The following FRK variants were observed in gnomAD, a reference collection of about 807,000 sequenced individuals.
FRK encodes the protein fyn related Src family tyrosine kinase, also known as tyrosine-protein kinase FRK.
FRK carries 51 observed loss-of-function variants against 56.4 expected under a neutral mutation model. The ratio of observed to expected loss-of-function variants is 0.90; its 90% CI spans 0.72 to 1.14. The LOEUF (loss-of-function observed/expected upper bound fraction) is 1.14, where lower values mean the gene tolerates loss of function less well. FRK is among the 50% of genes most tolerant of loss of function. The pLI, the probability that FRK is intolerant of heterozygous loss-of-function variation, is 0.00. For missense variants in FRK, 570 were observed against 601.4 expected, an observed-to-expected ratio of 0.95 and a Z score of 0.55; for synonymous variants, 245 against 217.9, an observed-to-expected ratio of 1.12 and a Z score of -1.10.
At chr6:116,039,419 C>A in intron 1 of FRK, 1 of 1,574,040 alleles carries the variant, frequency 6.4e-7, no homozygotes, top group Non-Finnish European at 8.7e-7. Flanking sequence ...GCCAGCCAGC[C>A]TGAAGTGGAT....
In FRK at chr6:115,958,630, A is replaced by C. The variant is rs1446675333; in HGVS notation, c.800-2020T>G. On this transcript the variant is annotated intron_variant, in intron 4 of 7. Coordinates refer to ENST00000606080, the MANE Select transcript of FRK (RefSeq NM_002031.3). ...GAAATAGAGTGAGACTCTGTCTCAA[A>C]AAAGGAAAGAAAGAAAAGAAAGAAA... Among the ~76,000 whole-genome samples the C allele has an allele frequency of 4.3e-4, 6 of 13,820 alleles. No homozygotes were observed. In the Admixed American group the frequency reaches 7.4e-3, roughly 17 times the overall value. 9.1% of individuals were successfully genotyped at this position (13,820 alleles called of 152,430 possible). A position where few individuals can be genotyped will look rare whatever the true frequency, so the allele number is the denominator to read the frequency against.
the FRK span, among the ~76,000 whole-genome samples, chr6:116,084,213 T>C: frequency 2.0e-5 from 3 of 152,202 alleles, no homozygotes; most frequent in Admixed American, 1.3e-4. Flanking sequence ...ATGCAGACAA[T>C]AAAAAGAGTC....
intron 5 of FRK, among the ~76,000 whole-genome samples, chr6:115,955,738 G>T (rs1463694220): frequency 1.3e-5 from 2 of 152,060 alleles, no homozygotes; most frequent in East Asian, 3.9e-4. Flanking sequence ...GACATTTCAA[G>T]AAATTATGGA....
rs1772000153 is a variant in FRK, at chr6:115,933,892, C to T, written c.*8522G>A. ...TAGTGTTGATCTTATCTTAGAAATA[C>T]TGTTTATAAAGGAATCAAGGGGTTC... On this transcript the variant is annotated 3_prime_UTR_variant, in exon 8 of 8. Transcript: ENST00000606080. 1 of 152,038 alleles carries T rather than the reference C, an allele frequency of 6.6e-6. No individual in the cohort carries two copies. The highest frequency in any genetic ancestry group is 1.9e-4 in the East Asian group (1 of 5,194). 9.4% of individuals were successfully genotyped at this position (152,038 alleles called of 1,614,324 possible).
intron 5 of FRK, among the ~76,000 whole-genome samples, chr6:115,947,936 T>G (rs1045770365): frequency 6.6e-6 from 1 of 152,174 alleles, no homozygotes; most frequent in African/African-American, 2.4e-5. Flanking sequence ...TGTGGTATCT[T>G]CTAAAATGGC....
chr6:115,944,185 TACTA>T (rs1178636931), intron 6 of FRK, 55 bp downstream of exon 6: 28 of 1,349,960 alleles, frequency 2.1e-5, no homozygotes, highest in South Asian at 1.6e-4. Context: ...TCTATTGGTC[TACTA>T]ACTGTTAGAC....
intron 1 of FRK, among the ~76,000 whole-genome samples, chr6:116,027,308 T>C (rs1776128715): frequency 6.6e-6 from 1 of 152,192 alleles, no homozygotes; most frequent in African/African-American, 2.4e-5. Context: ...TTTTTTAAAC[T>C]GTCAAATAGG....
intron 1 of FRK, 72 bp downstream of exon 1, chr6:116,059,896 G>GA: frequency 7.8e-7 from 1 of 1,284,824 alleles, no homozygotes; most frequent in Non-Finnish European, 1.1e-6. Context: ...GGGTTGTAGA[G>GA]AAGTAGAAAG....
intron 1 of FRK, among the ~76,000 whole-genome samples, chr6:116,039,911 C>T (rs1272565395): frequency 6.7e-6 from 1 of 149,620 alleles, no homozygotes; most frequent in South Asian, 2.1e-4. Flanking sequence ...GTATGTGAAC[C>T]ACCCACGTGT....
the FRK span, among the ~76,000 whole-genome samples, chr6:116,074,745 C>T: frequency 6.6e-6 from 1 of 152,092 alleles, no homozygotes; most frequent in South Asian, 2.1e-4. Context: ...ATCTGTGGCC[C>T]TCAGCCAACC....
chr6:116,014,554 C>G (rs191149142), intron 1 of FRK, among the ~76,000 whole-genome samples: 1 of 146,332 alleles, frequency 6.8e-6, no homozygotes, highest in East Asian at 2.0e-4. Flanking sequence ...CAGCAGTGGT[C>G]AGGGAAAAAA....
chr6:116,035,072 A>T (rs13193683), intron 1 of FRK, among the ~76,000 whole-genome samples: 29,690 of 151,902 alleles, frequency 0.2, 3,796 homozygotes, highest in Middle Eastern at 0.35. Context: ...TAAAAATTTT[A>T]AAATTGTGGT....
At chr6:115,982,813 T>C (rs1451842704) in intron 2 of FRK, among the ~76,000 whole-genome samples, 3 of 152,124 alleles carry the variant, frequency 2.0e-5, no homozygotes, top group Non-Finnish European at 4.4e-5. Context: ...GGTTCATGCC[T>C]GTAATCGCAG....
chr6:115,950,248 A>C (rs533796), intron 5 of FRK, among the ~76,000 whole-genome samples: 101,986 of 152,008 alleles, frequency 0.67, 34,749 homozygotes, highest in East Asian at 0.98. Context: ...AACAGGGAAC[A>C]TTCAGAATGG....
intron 5 of FRK, among the ~76,000 whole-genome samples, chr6:115,945,399 G>T (rs1040784995): frequency 6.6e-6 from 1 of 151,990 alleles, no homozygotes; most frequent in Non-Finnish European, 1.5e-5. Context: ...TTTAATAATG[G>T]CCATTCTGGC....
chr6:115,967,440 A>G (rs1773625252), intron 4 of FRK, 111 bp downstream of exon 4: 2 of 1,035,502 alleles, frequency 1.9e-6, no homozygotes, highest in South Asian at 3.2e-5. Context: ...AATGACCACA[A>G]CACCTGCTTG....
At chr6:116,077,802 A>G in the FRK span, among the ~76,000 whole-genome samples, 6,954 of 152,294 alleles carry the variant, frequency 0.046, 290 homozygotes, top group African/African-American at 0.11. Context: ...ACCCTGCCAG[A>G]TCAACTAATA....
intron 5 of FRK, among the ~76,000 whole-genome samples, chr6:115,952,127 G>C (rs111992855): frequency 5.3e-5 from 8 of 151,546 alleles, no homozygotes; most frequent in Non-Finnish European, 7.4e-5. Context: ...CTCCCATTTT[G>C]TAGGTTGCTT....
chr6:116,080,071 T>C, the FRK span, among the ~76,000 whole-genome samples: 4 of 152,190 alleles, frequency 2.6e-5, no homozygotes, highest in African/African-American at 9.6e-5. Context: ...TAAAAGTATT[T>C]GAGTTAGATT....
Sources: allele counts gnomAD v4.1 joint callset (sites outside exome capture counted in the v4.1 genomes callset), GRCh38; gene constraint gnomAD v4.1.1; transcripts MANE v1.5; gene names NCBI Gene and HGNC (gene_info 2026-07-23, HGNC 2026-07-21).